CSMD1: variants seen among roughly 807,000 people sequenced by gnomAD.
The protein encoded by CSMD1 is CUB and sushi domain-containing protein 1.
In CSMD1, 213 loss-of-function variants were observed where a neutral mutation model predicts 417.5. That is an observed-to-expected ratio of 0.51 (90% CI 0.46 to 0.57). CSMD1 has a LOEUF of 0.57. CSMD1 is among the 20% of genes least tolerant of loss of function. The pLI is 0.00. For missense variants in CSMD1, 6,923 were observed against 4,529.7 expected, an observed-to-expected ratio of 1.53 and a Z score of -15.17; for synonymous variants, 2,862 against 1,736.8, an observed-to-expected ratio of 1.65 and a Z score of -16.11.
chr8:4,349,301 T>A (rs1003917293), intron 3 of CSMD1, among the ~76,000 whole-genome samples: 3 of 152,192 alleles, frequency 2.0e-5, no homozygotes, highest in African/African-American at 7.2e-5. Context: ...GGAAAGCTAT[T>A]TTTCTACACT....
chr8:4,138,199 C>A (rs974674573), intron 3 of CSMD1, among the ~76,000 whole-genome samples: 1 of 131,970 alleles, frequency 7.6e-6, no homozygotes, highest in Non-Finnish European at 1.6e-5. Flanking sequence ...ACAGGCGCAG[C>A]CTTACATTTT....
Position 4,416,521 on chromosome 8 carries a change from C to CT in CSMD1, c.415+3431dup, listed in dbSNP as rs1796951091. On this transcript the variant is annotated intron_variant, in intron 3 of 69. Coordinates refer to ENST00000635120, the MANE Select transcript of CSMD1 (RefSeq NM_033225.6). ...AACCAAAATAATGAACATTTTGAGT[C>CT]TAAGAGTTTTGATAATAGATGCACG... Among the ~76,000 whole-genome samples, 4 of 152,010 alleles carry CT rather than the reference C, an allele frequency of 2.6e-5. No individual in the cohort carries two copies. In the South Asian group the frequency reaches 8.3e-4, roughly 32 times the overall value.
chr8:4,225,947 G>A (rs568238268), intron 3 of CSMD1, among the ~76,000 whole-genome samples: 1 of 152,192 alleles, frequency 6.6e-6, no homozygotes, highest in East Asian at 1.9e-4. Flanking sequence ...TTATTTGAAT[G>A]TGAATTTCAT....
In CSMD1 at chr8:4,545,735, T is replaced by C. The variant is rs552009285; in HGVS notation, c.302+91607A>G. Among the ~76,000 whole-genome samples, 37 of 152,240 alleles carry C rather than the reference T, an allele frequency of 2.4e-4. 1 individual carries two copies. In the South Asian group the frequency reaches 6.9e-3, roughly 28 times the overall value. On this transcript the variant is annotated intron_variant, in intron 2 of 69. Coordinates refer to ENST00000635120, the MANE Select transcript of CSMD1 (RefSeq NM_033225.6). ...CCAACGGATAGCAAATTCCTCACTT[T>C]CACAGGCATCCATGGAAAAACGCAT...
intron 10 of CSMD1, among the ~76,000 whole-genome samples, chr8:3,502,364 C>CA (rs371588108): frequency 0.042 from 4,628 of 109,128 alleles, 229 homozygotes; most frequent in East Asian, 0.14. Flanking sequence ...GACTTCATCT[C>CA]AAAAAAAAAA....
intron 52 of CSMD1, among the ~76,000 whole-genome samples, chr8:3,011,026 T>C (rs1585144858): frequency 6.6e-6 from 1 of 152,300 alleles, no homozygotes; most frequent in Middle Eastern, 3.4e-3. Flanking sequence ...GCGCCCTGCC[T>C]ATTCTCAACT....
intron 12 of CSMD1, among the ~76,000 whole-genome samples, chr8:3,452,022 G>T (rs1020164355): frequency 2.6e-5 from 4 of 152,106 alleles, no homozygotes; most frequent in African/African-American, 7.2e-5. Context: ...TCCTCGAAGA[G>T]GTCCTTCACA....
intron 5 of CSMD1, among the ~76,000 whole-genome samples, chr8:3,967,990 AC>A (rs1264667854): frequency 7.0e-6 from 1 of 142,296 alleles, no homozygotes; most frequent in African/African-American, 2.7e-5. Flanking sequence ...ACACGGTGAA[AC>A]CCCGTCACTG....
At chr8:4,138,162 A>C (rs189371132) in intron 3 of CSMD1, among the ~76,000 whole-genome samples, 7,002 of 65,984 alleles carry the variant, frequency 0.11, 2,150 homozygotes, top group Non-Finnish European at 0.17. Context: ...TGATCCTCCC[A>C]CCTGGGCCTC....
chr8:2,954,958 G>C (rs753919472), intron 64 of CSMD1, among the ~76,000 whole-genome samples: 28 of 152,268 alleles, frequency 1.8e-4, no homozygotes, highest in African/African-American at 6.7e-4. Flanking sequence ...ATGCTGTTTA[G>C]ACTCCATGGA....
At chr8:4,340,643 G>A (rs370933676) in intron 3 of CSMD1, among the ~76,000 whole-genome samples, 5 of 152,090 alleles carry the variant, frequency 3.3e-5, no homozygotes, top group African/African-American at 1.2e-4. Flanking sequence ...GCCAAGTGGA[G>A]CTTGGTCGTG....
In CSMD1 at chr8:3,982,199, A is replaced by C. The variant is rs2449819; in HGVS notation, c.818+15704T>G. On this transcript the variant is annotated intron_variant, in intron 5 of 69. Coordinates refer to ENST00000635120, the MANE Select transcript of CSMD1 (RefSeq NM_033225.6). ...ATAATAATAATAATAATATTAATAA[A>C]AAAAATAATAATAATAAACTAGTTA... 5.6e-5 allele frequency among the ~76,000 whole-genome samples: 8 copies of C among 142,436 alleles called. No homozygotes were observed. The East Asian group carries it at 1.5e-3, about 26-fold the overall frequency. The allele number at this position is 142,436 out of a possible 152,430, so 93.4% of individuals were successfully genotyped here.
At chr8:3,684,721 C>G (rs1799858190) in intron 7 of CSMD1, among the ~76,000 whole-genome samples, 1 of 151,898 alleles carries the variant, frequency 6.6e-6, no homozygotes, top group African/African-American at 2.4e-5. Flanking sequence ...CCTCAGCCTC[C>G]AGAGGAGTAG....
chr8:3,427,845 A>G (rs1344263932), intron 12 of CSMD1, among the ~76,000 whole-genome samples: 1 of 152,254 alleles, frequency 6.6e-6, no homozygotes, highest in Non-Finnish European at 1.5e-5. Flanking sequence ...GAGGAGGCGT[A>G]TGCCTGTCAA....
chr8:3,772,724 C>T (rs554157575), intron 5 of CSMD1, among the ~76,000 whole-genome samples: 1 of 146,422 alleles, frequency 6.8e-6, no homozygotes, highest in South Asian at 2.1e-4. Flanking sequence ...TATATATATA[C>T]ACACACATAT....
chr8:4,364,824 CAAAAAAAAA>C (rs60925117), intron 3 of CSMD1, among the ~76,000 whole-genome samples: 3 of 84,916 alleles, frequency 3.5e-5, no homozygotes, highest in Admixed American at 2.7e-4. Context: ...GACTCCTTCT[CAAAAAAAAA>C]AAAAAAAAAA....
At chr8:4,720,196 T>C (rs1305417331) in intron 1 of CSMD1, among the ~76,000 whole-genome samples, 1 of 151,200 alleles carries the variant, frequency 6.6e-6, no homozygotes, top group Admixed American at 6.6e-5. Context: ...TTATATTTCA[T>C]ATACTTTTGT....
chr8:4,125,013 G>A (rs555183137), intron 3 of CSMD1, among the ~76,000 whole-genome samples: 4 of 151,706 alleles, frequency 2.6e-5, no homozygotes, highest in African/African-American at 4.8e-5. Context: ...AAATCTTGCC[G>A]CCGCACACTC....
Position 4,287,173 on chromosome 8 carries a change from T to C in CSMD1, c.415+132780A>G, listed in dbSNP as rs114361612. 2.7e-3 allele frequency among the ~76,000 whole-genome samples: 413 copies of C among 152,350 alleles called. 1 individual carries two copies. The highest frequency in any genetic ancestry group is 9.3e-3 in the African/African-American group (387 of 41,584). On this transcript the variant is annotated intron_variant, in intron 3 of 69. Transcript: ENST00000635120. ...CTATGTGGACAGATTCTGTGTAATT[T>C]AGAACTAAACAGTTTAATTTTACTC...
Sources: gnomAD v4.1 joint callset for allele counts (sites outside exome capture counted in the v4.1 genomes callset) on GRCh38, gnomAD v4.1.1 for gene constraint, MANE v1.5 for transcripts, NCBI Gene and HGNC (gene_info 2026-07-23, HGNC 2026-07-21) for gene names.